LINGO2: variants seen among roughly 807,000 people sequenced by gnomAD.
LINGO2 encodes leucine-rich repeat and immunoglobulin-like domain-containing nogo receptor-interacting protein 2.
Under a neutral mutation model 30.6 loss-of-function variants are expected in LINGO2, and 14 were observed. The observed-to-expected ratio is 0.46, with a 90% CI of 0.30 to 0.72. LINGO2 has a LOEUF of 0.72. LINGO2 is among the 30% of genes least tolerant of loss of function. The probability of loss-of-function intolerance (pLI) is 0.07; values close to 1 mark genes in which losing one functional copy is unlikely to be tolerated. For missense variants in LINGO2, 729 were observed against 751.7 expected, an observed-to-expected ratio of 0.97 and a Z score of 0.35; for synonymous variants, 317 against 288.5, an observed-to-expected ratio of 1.10 and a Z score of -1.00.
the LINGO2 span, among the ~76,000 whole-genome samples, chr9:29,188,576 A>G: frequency 2.0e-5 from 3 of 151,986 alleles, no homozygotes; most frequent in Non-Finnish European, 4.4e-5. Flanking sequence ...CCCGTTCTCA[A>G]TGAGCTGTTG....
intron 2 of LINGO2, among the ~76,000 whole-genome samples, chr9:28,409,606 A>C (rs1285231152): frequency 6.9e-6 from 1 of 145,144 alleles, no homozygotes; most frequent in Non-Finnish European, 1.5e-5. Flanking sequence ...AAGCTGGCTT[A>C]ACAGATGTGC....
chr9:28,297,810 G>A (rs1474019259), intron 3 of LINGO2, among the ~76,000 whole-genome samples: 1 of 152,046 alleles, frequency 6.6e-6, no homozygotes, highest in Non-Finnish European at 1.5e-5. Flanking sequence ...TAACATCTAC[G>A]GCATCAAACA....
the LINGO2 span, among the ~76,000 whole-genome samples, chr9:28,763,378 G>A: frequency 6.6e-6 from 1 of 151,856 alleles, no homozygotes; most frequent in Non-Finnish European, 1.5e-5. Context: ...ATCAGTAACA[G>A]TGAGAAAATG....
intron 4 of LINGO2, among the ~76,000 whole-genome samples, chr9:28,179,743 A>C (rs1828861807): frequency 6.8e-6 from 1 of 147,348 alleles, no homozygotes; most frequent in Non-Finnish European, 1.5e-5. Context: ...TTTTCCCTTA[A>C]ATAATCATTT....
At chr9:28,327,760 G>A (rs1289717380) in intron 3 of LINGO2, among the ~76,000 whole-genome samples, 1 of 152,100 alleles carries the variant, frequency 6.6e-6, no homozygotes, top group East Asian at 1.9e-4. Flanking sequence ...AAAATATACT[G>A]GCAGCTGTTC....
chr9:29,125,836 A>C, the LINGO2 span, among the ~76,000 whole-genome samples: 1 of 152,138 alleles, frequency 6.6e-6, no homozygotes, highest in Admixed American at 6.6e-5. Context: ...ACTACTGCCA[A>C]AGCTTATTTT....
chr9:29,107,242 T>C, the LINGO2 span, among the ~76,000 whole-genome samples: 6 of 152,182 alleles, frequency 3.9e-5, 1 homozygote, highest in South Asian at 2.1e-4. Context: ...TATGCAATCA[T>C]ACTTACAAAT....
chr9:28,265,806 C>T (rs1414110370), intron 4 of LINGO2, among the ~76,000 whole-genome samples: 1 of 151,866 alleles, frequency 6.6e-6, no homozygotes, highest in African/African-American at 2.4e-5. Flanking sequence ...CATAAATGGG[C>T]CCAAACAAAA....
chr9:28,214,927 G>T (rs1339726225), intron 4 of LINGO2, among the ~76,000 whole-genome samples: 3 of 151,506 alleles, frequency 2.0e-5, no homozygotes, highest in Non-Finnish European at 4.4e-5. Flanking sequence ...TCTAAAAACT[G>T]GTGTTTAAAT....
intron 1 of LINGO2, among the ~76,000 whole-genome samples, chr9:28,480,935 T>C (rs1825937659): frequency 6.6e-6 from 1 of 152,170 alleles, no homozygotes; most frequent in Non-Finnish European, 1.5e-5. Context: ...AACTAAGTCA[T>C]CTGCCTCAAC....
the LINGO2 span, among the ~76,000 whole-genome samples, chr9:28,793,754 A>C: frequency 6.6e-6 from 1 of 152,174 alleles, no homozygotes; most frequent in Non-Finnish European, 1.5e-5. Flanking sequence ...TAGTTCTGGA[A>C]TCATAGCAAA....
At chr9:28,318,206 G>A (rs937801033) in intron 3 of LINGO2, among the ~76,000 whole-genome samples, 6 of 152,124 alleles carry the variant, frequency 3.9e-5, no homozygotes, top group Middle Eastern at 3.4e-3. Context: ...GAAATGCAAA[G>A]GAAAGAATTT....
the LINGO2 span, among the ~76,000 whole-genome samples, chr9:29,091,485 G>A: frequency 1.4e-4 from 21 of 152,152 alleles, no homozygotes; most frequent in South Asian, 2.9e-3. Context: ...AAAGTCAGAT[G>A]AGTGTACAAC....
intron 5 of LINGO2, among the ~76,000 whole-genome samples, chr9:27,985,830 C>A (rs574695852): frequency 4.8e-4 from 73 of 151,870 alleles, no homozygotes; most frequent in African/African-American, 1.7e-3. Context: ...CAAGTGCAGA[C>A]AGACTCCAGT....
At chr9:28,953,654 G>T in the LINGO2 span, among the ~76,000 whole-genome samples, 888 of 152,040 alleles carry the variant, frequency 5.8e-3, 7 homozygotes, top group African/African-American at 0.021. Context: ...TATTATTTTA[G>T]TGGAAACCTA....
At chr9:27,978,775 A>G (rs1164347445) in intron 5 of LINGO2, among the ~76,000 whole-genome samples, 2 of 151,956 alleles carry the variant, frequency 1.3e-5, no homozygotes, top group African/African-American at 4.8e-5. Flanking sequence ...CTAAGACACC[A>G]CTGGATACCT....
chr9:28,355,181 T>C (rs1028492433), intron 3 of LINGO2, among the ~76,000 whole-genome samples: 3 of 152,074 alleles, frequency 2.0e-5, no homozygotes, highest in Non-Finnish European at 4.4e-5. Flanking sequence ...TCTATTTTTT[T>C]TCTTCATTGC....
intron 5 of LINGO2, among the ~76,000 whole-genome samples, chr9:27,987,462 A>G (rs917078865): frequency 6.6e-6 from 1 of 151,858 alleles, no homozygotes; most frequent in African/African-American, 2.4e-5. Flanking sequence ...TAGTTGCTTT[A>G]AGTATAGATT....
chr9:28,570,150 G>A (rs983554903), intron 1 of LINGO2, among the ~76,000 whole-genome samples: 1 of 151,890 alleles, frequency 6.6e-6, no homozygotes, highest in African/African-American at 2.4e-5. Context: ...GATAGTTCCT[G>A]TGGGCATCAC....
Sources: allele counts gnomAD v4.1 joint callset (sites outside exome capture counted in the v4.1 genomes callset), GRCh38; gene constraint gnomAD v4.1.1; transcripts MANE v1.5; gene names NCBI Gene and HGNC (gene_info 2026-07-23, HGNC 2026-07-21).